Variants in IPP observed in about 807,000 individuals in gnomAD.
The protein encoded by IPP is actin-binding protein IPP.
A neutral mutation model predicts 64.1 loss-of-function variants in IPP; 41 were observed. The observed-to-expected ratio is 0.64, with a 90% CI of 0.50 to 0.83. IPP has a LOEUF of 0.83. Among genes scored for constraint, IPP ranks in the 40% least tolerant of loss-of-function variants. IPP has a pLI of 0.00. For missense variants in IPP, 649 were observed against 703.0 expected (o/e 0.92, Z 0.87); for synonymous variants, 214 against 235.2 (o/e 0.91, Z 0.83).
chr1:45,720,081 T>G lies in IPP; in HGVS notation c.1049-741A>C, dbSNP rs571607425. Among the ~76,000 whole-genome samples, 198 of 152,040 alleles carry G rather than the reference T, an allele frequency of 1.3e-3. 2 individuals carry two copies. Among genetic ancestry groups the G allele is most frequent in the African/African-American group, 4.5e-3 (188 of 41,488 alleles). On this transcript the variant is annotated intron_variant, in intron 5 of 8. Transcript: ENST00000396478. ...TTTCATGTTTTTGATATTTATTTAT[T>G]TATTTATTTTTAGAGACAGAGTCTG...
chr1:45,750,243 G>A (rs1281877240), intron 1 of IPP, among the ~76,000 whole-genome samples: 1 of 152,198 alleles, frequency 6.6e-6, no homozygotes, highest in African/African-American at 2.4e-5. Flanking sequence ...GCCCGGCCTA[G>A]AGAGCTAGCC....
chr1:45,708,384 A>G (rs1454795882), intron 8 of IPP, among the ~76,000 whole-genome samples: 1 of 151,102 alleles, frequency 6.6e-6, no homozygotes, highest in Non-Finnish European at 1.5e-5. Context: ...AAAGATAAAA[A>G]AAAGCAACCT....
chr1:45,703,176 C>A (rs1350951540), intron 8 of IPP, among the ~76,000 whole-genome samples: 1 of 150,846 alleles, frequency 6.6e-6, no homozygotes, highest in Non-Finnish European at 1.5e-5. Context: ...CATCCTTGAC[C>A]TTCCTGGGCT....
At chr1:45,748,589 C>T (rs1646172445) in intron 1 of IPP, among the ~76,000 whole-genome samples, 1 of 152,162 alleles carries the variant, frequency 6.6e-6, no homozygotes, top group African/African-American at 2.4e-5. Flanking sequence ...GGAGGACCAC[C>T]TGAGCCAGGG....
chr1:45,706,483 C>G (rs1569952713), intron 8 of IPP, among the ~76,000 whole-genome samples: 1 of 152,126 alleles, frequency 6.6e-6, no homozygotes, highest in South Asian at 2.1e-4. Flanking sequence ...GAGTTTCACT[C>G]TTGTTGCCCA....
At chr1:45,725,053 C>T (rs1317524948) in intron 5 of IPP, among the ~76,000 whole-genome samples, 1 of 139,732 alleles carries the variant, frequency 7.2e-6, no homozygotes, top group African/African-American at 2.7e-5. Flanking sequence ...CCGCCCCGTC[C>T]GGGAGGGAGG....
At chr1:45,696,483 T>G (rs975594764), downstream of IPP, among the ~76,000 whole-genome samples, 11 of 152,166 alleles carry the variant, frequency 7.2e-5, no homozygotes, top group African/African-American at 2.7e-4. Flanking sequence ...TACATTCTTT[T>G]AAAAACAATC....
intron 8 of IPP, among the ~76,000 whole-genome samples, chr1:45,709,115 A>G (rs1381639239): frequency 6.7e-6 from 1 of 150,300 alleles, no homozygotes; most frequent in Non-Finnish European, 1.5e-5. Context: ...CATCACCACC[A>G]GACCTGCACT....
At chr1:45,709,033 CAAAAAAA>C (rs71058700) in intron 8 of IPP, among the ~76,000 whole-genome samples, 1 of 58,168 alleles carries the variant, frequency 1.7e-5, no homozygotes, top group African/African-American at 7.8e-5. Flanking sequence ...GACTCCATCT[CAAAAAAA>C]AAAAAAAAAA....
chr1:45,740,545 G>C (rs1251256287), intron 3 of IPP, among the ~76,000 whole-genome samples: 1 of 151,742 alleles, frequency 6.6e-6, no homozygotes, highest in Non-Finnish European at 1.5e-5. Context: ...TGGCCGGGCG[G>C]GGGGCTGACC....
chr1:45,711,679 A>G (rs1645592359), intron 8 of IPP, among the ~76,000 whole-genome samples: 2 of 151,858 alleles, frequency 1.3e-5, no homozygotes, highest in Admixed American at 1.3e-4. Flanking sequence ...GCTTGAACCC[A>G]GGAGACAGAG....
At chr1:45,725,695 TG>T (rs1645814703) in intron 5 of IPP, among the ~76,000 whole-genome samples, 2 of 140,976 alleles carry the variant, frequency 1.4e-5, no homozygotes, top group Admixed American at 7.2e-5. Context: ...TTGCCGGGTC[TG>T]TGTGGATAGA....
intron 5 of IPP, among the ~76,000 whole-genome samples, chr1:45,723,902 T>C (rs976301480): frequency 3.9e-5 from 6 of 151,992 alleles, no homozygotes; most frequent in Non-Finnish European, 7.4e-5. Flanking sequence ...TGGCTCACAT[T>C]TGTAATCCCA....
chr1:45,736,975 G>A (rs1429132243), intron 3 of IPP, among the ~76,000 whole-genome samples: 3 of 151,048 alleles, frequency 2.0e-5, no homozygotes, highest in Non-Finnish European at 2.9e-5. Flanking sequence ...CCCGGGAGGC[G>A]GAGGTTGCAG....
chr1:45,709,044 AAAAAAAAAAGGAG>A (rs902637291), intron 8 of IPP, among the ~76,000 whole-genome samples: 7 of 149,872 alleles, frequency 4.7e-5, no homozygotes, highest in African/African-American at 1.7e-4. Flanking sequence ...AAAAAAAAAA[AAAAAAAAAAGGAG>A]AAAAAAAAGA....
chr1:45,704,299 G>A (rs181934293), intron 8 of IPP, among the ~76,000 whole-genome samples: 98 of 151,582 alleles, frequency 6.5e-4, no homozygotes, highest in African/African-American at 2.2e-3. Context: ...GTGCAGTGGC[G>A]TGATCTTGGC....
chr1:45,712,733 T>C (rs1033288181), intron 8 of IPP, among the ~76,000 whole-genome samples: 3 of 150,854 alleles, frequency 2.0e-5, no homozygotes, highest in African/African-American at 7.3e-5. Context: ...GTGGCGGGCA[T>C]CTGCAGTCCC....
At position 45,700,152 on chromosome 1, in the gene IPP, T is replaced by C; in HGVS notation, c.1569A>G (p.Arg523=). 6.2e-7 allele frequency: 1 copy of C among 1,613,828 alleles called. No individual in the cohort carries two copies. The highest frequency in any genetic ancestry group is 1.1e-5 in the South Asian group (1 of 91,070). ...TGACTGCCACAACACACATGCCTGC[T>C]CTAGGCACTTTCATTGAGGCAACTT... ...WVEVASMKVP[R]AGMCVVAVNG... is the part of the protein sequence containing the mutation. Residue 523 remains arginine (R), a synonymous_variant, in exon 9 of 9, where the codon AGA becomes AGG. Coordinates refer to ENST00000396478, the MANE Select transcript of IPP (RefSeq NM_005897.3).
intron 8 of IPP, among the ~76,000 whole-genome samples, chr1:45,709,402 C>G (rs1376945399): frequency 8.2e-6 from 1 of 122,516 alleles, no homozygotes; most frequent in African/African-American, 3.3e-5. Context: ...CACTGCACTC[C>G]AGCCTGGGCG....
Sources: gnomAD v4.1 joint callset for allele counts (sites outside exome capture counted in the v4.1 genomes callset) on GRCh38, gnomAD v4.1.1 for gene constraint, MANE v1.5 for transcripts, NCBI Gene and HGNC (gene_info 2026-07-23, HGNC 2026-07-21) for gene names.